Variants in MGAT4C observed in about 807,000 individuals in gnomAD.
MGAT4C encodes MGAT4 family member C.
In MGAT4C, 19 loss-of-function variants were observed where a neutral mutation model predicts 40.1. That is an observed-to-expected ratio of 0.47 (90% CI 0.33 to 0.70). The LOEUF (loss-of-function observed/expected upper bound fraction) is 0.70. Among genes scored for constraint, MGAT4C ranks in the 30% least tolerant of loss-of-function variants. The pLI is 0.02. For synonymous variants in MGAT4C, 181 were observed against 187.1 expected, an observed-to-expected ratio of 0.97 and a Z score of 0.27; for missense variants, 491 against 563.2, an observed-to-expected ratio of 0.87 and a Z score of 1.30.
At chr12:86,641,534 A>C (rs1011005619) in intron 2 of MGAT4C, among the ~76,000 whole-genome samples, 3 of 151,548 alleles carry the variant, frequency 2.0e-5, no homozygotes, top group African/African-American at 7.3e-5. Context: ...ATAAAATAAA[A>C]AAATAAAAAT....
intron 1 of MGAT4C, among the ~76,000 whole-genome samples, chr12:86,093,319 T>C (rs907325725): frequency 6.6e-6 from 1 of 152,154 alleles, no homozygotes; most frequent in African/African-American, 2.4e-5. Context: ...TATTTTACTT[T>C]CTTGATTCTG....
intron 2 of MGAT4C, among the ~76,000 whole-genome samples, chr12:86,473,831 C>T (rs17014017): frequency 0.021 from 3,194 of 152,072 alleles, 105 homozygotes; most frequent in African/African-American, 0.072. Context: ...GGGAGAGAAT[C>T]GGGCCTTTTT....
intron 1 of MGAT4C, among the ~76,000 whole-genome samples, chr12:86,824,171 C>T (rs1029721832): frequency 2.1e-4 from 32 of 151,298 alleles, no homozygotes; most frequent in African/African-American, 7.7e-4. Context: ...CAAATCTTAT[C>T]AGATTGACCC....
rs80222628 is a variant in MGAT4C, at chr12:86,608,186, C to A, written c.-229+119023G>T. On this transcript the variant is annotated intron_variant, in intron 2 of 7. Transcript: ENST00000548651. ...AAGACAAATATATAAACCTAATTAT[C>A]ATACCATATGATAAAGTCCATAATG... 5.5e-3 allele frequency among the ~76,000 whole-genome samples: 832 copies of A among 152,170 alleles called. 4 individuals carry two copies. The highest frequency in any genetic ancestry group is 9.0e-3 in the Non-Finnish European group (615 of 68,004).
At chr12:86,435,787 T>C (rs1326506811) in intron 2 of MGAT4C, among the ~76,000 whole-genome samples, 4 of 151,922 alleles carry the variant, frequency 2.6e-5, no homozygotes, top group Admixed American at 2.6e-4. Flanking sequence ...TTTCATTAAA[T>C]ATTCCACTGT....
intron 2 of MGAT4C, among the ~76,000 whole-genome samples, chr12:86,007,435 A>T (rs1001531462): frequency 6.6e-6 from 1 of 152,154 alleles, no homozygotes; most frequent in African/African-American, 2.4e-5. Flanking sequence ...TAAAAAATAT[A>T]AGATCACCAT....
chr12:86,534,084 A>G (rs1959031168), intron 2 of MGAT4C, among the ~76,000 whole-genome samples: 1 of 152,056 alleles, frequency 6.6e-6, no homozygotes, highest in Non-Finnish European at 1.5e-5. Flanking sequence ...GGTAAAATCT[A>G]CATTCTGTAG....
chr12:86,723,405 A>G (rs183682814), intron 2 of MGAT4C, among the ~76,000 whole-genome samples: 1 of 152,316 alleles, frequency 6.6e-6, no homozygotes, highest in Admixed American at 6.5e-5. Context: ...GGAGGCCAGA[A>G]GTTTGAAATC....
intron 2 of MGAT4C, among the ~76,000 whole-genome samples, chr12:86,696,019 G>A (rs547667675): frequency 6.6e-6 from 1 of 151,866 alleles, no homozygotes. Context: ...AGACCATCCT[G>A]GCCAACATGG....
intron 1 of MGAT4C, among the ~76,000 whole-genome samples, chr12:86,827,292 T>C (rs551011148): frequency 5.3e-5 from 8 of 151,556 alleles, no homozygotes; most frequent in African/African-American, 1.9e-4. Flanking sequence ...TTGCTCCTGG[T>C]GCAAAAATGT....
intron 1 of MGAT4C, among the ~76,000 whole-genome samples, chr12:86,162,980 G>A (rs1885763755): frequency 6.6e-6 from 1 of 152,058 alleles, no homozygotes; most frequent in African/African-American, 2.4e-5. Flanking sequence ...ATTAATGCAT[G>A]TCTGTTATAC....
intron 1 of MGAT4C, among the ~76,000 whole-genome samples, chr12:86,821,647 A>G (rs1389424855): frequency 6.6e-6 from 1 of 150,826 alleles, no homozygotes; most frequent in Non-Finnish European, 1.5e-5. Context: ...TCCTTTCTTA[A>G]AGCCTTTTTC....
chr12:86,401,729 G>A (rs1054620866), intron 3 of MGAT4C, among the ~76,000 whole-genome samples: 5 of 152,058 alleles, frequency 3.3e-5, no homozygotes, highest in African/African-American at 1.2e-4. Context: ...ACATCTCCCA[G>A]AGAAATAAAG....
rs142811997 is a variant in MGAT4C, at chr12:86,268,565, T to C, written c.-57+65500A>G. ...GACTCATAGATTTTTGAAGGGTCCA[T>C]TAAAAACATTAGTAAAGAGAAGATA... On this transcript the variant is annotated intron_variant, in intron 4 of 7. Coordinates refer to the MGAT4C transcript ENST00000548651. 2.5e-3 allele frequency among the ~76,000 whole-genome samples: 382 copies of C among 150,034 alleles called. 2 individuals are homozygous for C. Among genetic ancestry groups the C allele is most frequent in the Non-Finnish European group, 3.9e-3 (260 of 67,058 alleles).
At chr12:86,704,514 C>T (rs1269516176) in intron 2 of MGAT4C, among the ~76,000 whole-genome samples, 2 of 151,926 alleles carry the variant, frequency 1.3e-5, no homozygotes, top group African/African-American at 4.8e-5. Context: ...TCTCGGTTAA[C>T]TTTATGTGCT....
chr12:86,775,969 A>C (rs556317895), intron 1 of MGAT4C, among the ~76,000 whole-genome samples: 129 of 152,174 alleles, frequency 8.5e-4, no homozygotes, highest in African/African-American at 2.8e-3. Flanking sequence ...ATACATAAAA[A>C]TTTGACTGAA....
At chr12:85,983,493 T>C in intron 4 of MGAT4C, 30 bp downstream of exon 4, 1 of 1,485,628 alleles carries the variant, frequency 6.7e-7, no homozygotes, top group Non-Finnish European at 9.0e-7. Flanking sequence ...ATTTTATGTA[T>C]TCTTTATTTA....
chr12:86,730,242 T>C (rs896149744), intron 1 of MGAT4C, among the ~76,000 whole-genome samples: 1 of 152,060 alleles, frequency 6.6e-6, no homozygotes, highest in Non-Finnish European at 1.5e-5. Flanking sequence ...AACTGCTACT[T>C]GATAGATTAA....
At chr12:86,149,206 A>G (rs1424733336) in intron 1 of MGAT4C, among the ~76,000 whole-genome samples, 3 of 152,042 alleles carry the variant, frequency 2.0e-5, no homozygotes, top group African/African-American at 7.2e-5. Context: ...AATTTTTTTC[A>G]TACTCCTCAA....
Sources: gnomAD v4.1 joint callset for allele counts (sites outside exome capture counted in the v4.1 genomes callset) on GRCh38, gnomAD v4.1.1 for gene constraint, MANE v1.5 for transcripts, NCBI Gene and HGNC (gene_info 2026-07-23, HGNC 2026-07-21) for gene names.